SEMA5A: variants seen among roughly 807,000 people sequenced by gnomAD.
The protein encoded by SEMA5A is semaphorin-5A.
SEMA5A carries 55 observed loss-of-function variants against 135.5 expected under a neutral mutation model. The observed-to-expected ratio is 0.41, with a 90% CI of 0.33 to 0.51. The LOEUF is 0.51. SEMA5A is among the 20% of genes least tolerant of loss of function. The pLI is 0.37. For missense variants in SEMA5A, 1,290 were observed against 1,419.9 expected (o/e 0.91, Z 1.47); for synonymous variants, 580 against 546.5 (o/e 1.06, Z -0.85).
intron 12 of SEMA5A, among the ~76,000 whole-genome samples, chr5:9,147,738 A>C (rs892281982): frequency 6.6e-6 from 1 of 151,722 alleles, no homozygotes; most frequent in African/African-American, 2.4e-5. Context: ...AAAAAAAAAA[A>C]AAAACCCACC....
At chr5:9,183,478 C>T (rs113272200) in intron 11 of SEMA5A, among the ~76,000 whole-genome samples, 2 of 152,182 alleles carry the variant, frequency 1.3e-5, no homozygotes, top group Admixed American at 6.5e-5. Flanking sequence ...GCGCCACAGA[C>T]GCCTGACCAC....
chr5:9,226,810 A>T, intron 7 of SEMA5A, 59 bp downstream of exon 7: 1 of 1,330,670 alleles, frequency 7.5e-7, no homozygotes, highest in Non-Finnish European at 1.1e-6. Flanking sequence ...TAGTATTTTT[A>T]CACAATGTTT....
At chr5:9,421,178 T>C (rs10036184) in intron 2 of SEMA5A, among the ~76,000 whole-genome samples, 97,927 of 152,124 alleles carry the variant, frequency 0.64, 32,188 homozygotes, top group Non-Finnish European at 0.72. Context: ...TCTTCCTCCA[T>C]GTTTCTGCAA....
At chr5:9,167,437 C>A (rs1383018501) in intron 11 of SEMA5A, among the ~76,000 whole-genome samples, 1 of 152,210 alleles carries the variant, frequency 6.6e-6, no homozygotes, top group South Asian at 2.1e-4. Flanking sequence ...CCTGAATCCA[C>A]TGGCTAGGAT....
intron 14 of SEMA5A, among the ~76,000 whole-genome samples, chr5:9,120,654 T>G (rs1209896449): frequency 6.6e-6 from 1 of 152,216 alleles, no homozygotes; most frequent in African/African-American, 2.4e-5. Context: ...AGTTTTAATA[T>G]AAATAAATTA....
chr5:9,448,167 A>G (rs1579557180), intron 1 of SEMA5A, among the ~76,000 whole-genome samples: 1 of 151,918 alleles, frequency 6.6e-6, no homozygotes, highest in South Asian at 2.1e-4. Flanking sequence ...TACTTTTGAC[A>G]CTCTCCCCAA....
intron 18 of SEMA5A, among the ~76,000 whole-genome samples, chr5:9,054,587 T>C (rs1393724304): frequency 6.6e-6 from 1 of 152,204 alleles, no homozygotes; most frequent in Non-Finnish European, 1.5e-5. Flanking sequence ...CGAGCTGTCA[T>C]AGTAATTCCA....
intron 5 of SEMA5A, among the ~76,000 whole-genome samples, chr5:9,310,434 A>G (rs1303332467): frequency 6.6e-6 from 1 of 152,148 alleles, no homozygotes; most frequent in Non-Finnish European, 1.5e-5. Context: ...GACAATAAGA[A>G]CATATGACAA....
At chr5:9,331,420 A>C (rs531168675) in intron 4 of SEMA5A, among the ~76,000 whole-genome samples, 1 of 152,336 alleles carries the variant, frequency 6.6e-6, no homozygotes, top group African/African-American at 2.4e-5. Flanking sequence ...TTGGGAGGCC[A>C]TTAGATTGAG....
At chr5:9,487,619 G>A (rs1734798660) in intron 1 of SEMA5A, among the ~76,000 whole-genome samples, 1 of 152,160 alleles carries the variant, frequency 6.6e-6, no homozygotes, top group Admixed American at 6.5e-5. Flanking sequence ...ACTTTAAAGA[G>A]TTAAGTGAAA....
At chr5:9,226,273 A>G (rs912009562) in intron 7 of SEMA5A, among the ~76,000 whole-genome samples, 3 of 152,244 alleles carry the variant, frequency 2.0e-5, no homozygotes, top group Non-Finnish European at 4.4e-5. Flanking sequence ...ACCCTGAATT[A>G]GGAAGATTCC....
At chr5:9,443,914 A>G (rs1366716149) in intron 1 of SEMA5A, among the ~76,000 whole-genome samples, 3 of 152,240 alleles carry the variant, frequency 2.0e-5, no homozygotes, top group Non-Finnish European at 4.4e-5. Flanking sequence ...TATAGGATGA[A>G]GGCAGCAGCC....
chr5:9,089,996 A>G (rs1471068886), intron 16 of SEMA5A, among the ~76,000 whole-genome samples: 1 of 152,218 alleles, frequency 6.6e-6, no homozygotes, highest in Non-Finnish European at 1.5e-5. Flanking sequence ...GAATATGACT[A>G]TATAAATATA....
At chr5:9,214,558 T>TGTG (rs975335328) in intron 8 of SEMA5A, among the ~76,000 whole-genome samples, 1 of 152,192 alleles carries the variant, frequency 6.6e-6, no homozygotes, top group African/African-American at 2.4e-5. Context: ...TTCTGCAAGA[T>TGTG]GTGGTGGGAA....
At chr5:9,162,591 C>CATATATATAT (rs1553995478) in intron 11 of SEMA5A, among the ~76,000 whole-genome samples, 1 of 107,212 alleles carries the variant, frequency 9.3e-6, no homozygotes, top group African/African-American at 4.2e-5. Context: ...TATATACACA[C>CATATATATAT]ACACACACAA....
chr5:9,513,265 A>C (rs981059132), intron 1 of SEMA5A, among the ~76,000 whole-genome samples: 1 of 152,038 alleles, frequency 6.6e-6, no homozygotes, highest in Non-Finnish European at 1.5e-5. Flanking sequence ...CGATAATAGT[A>C]TTAAACCAGA....
intron 2 of SEMA5A, among the ~76,000 whole-genome samples, chr5:9,426,111 A>G (rs188524909): frequency 9.8e-5 from 15 of 152,300 alleles, no homozygotes; most frequent in Admixed American, 5.2e-4. Context: ...AAAATATTTC[A>G]GATTTGGAAA....
In SEMA5A at chr5:9,414,645, A is replaced by T. The variant is rs540779539; in HGVS notation, c.-78+23111T>A. On this transcript the variant is annotated intron_variant, in intron 2 of 22. Transcript: ENST00000382496. ...GAAACTCACCCAAAACATTAGCAGA[A>T]CCTACCAGATCTATTCATTAGAAGA... Among the ~76,000 whole-genome samples, 6 of 152,322 alleles carry T rather than the reference A, an allele frequency of 3.9e-5. No individual in the cohort carries two copies. The East Asian group carries it at 1.2e-3, about 29-fold the overall frequency.
chr5:9,522,024 C>T (rs1329610478), intron 1 of SEMA5A, among the ~76,000 whole-genome samples: 2 of 152,132 alleles, frequency 1.3e-5, no homozygotes, highest in Admixed American at 6.5e-5. Context: ...GGTTCCAAAA[C>T]AGGGTCTCAG....
Sources: allele counts gnomAD v4.1 joint callset (sites outside exome capture counted in the v4.1 genomes callset), GRCh38; gene constraint gnomAD v4.1.1; transcripts MANE v1.5; gene names NCBI Gene and HGNC (gene_info 2026-07-23, HGNC 2026-07-21).